Variants in IMPA1 observed in about 807,000 individuals in gnomAD.
IMPA1 encodes the protein D-galactose 1-phosphate phosphatase.
Under a neutral mutation model 34.9 loss-of-function variants are expected in IMPA1, and 21 were observed. The ratio of observed to expected loss-of-function variants is 0.60; its 90% CI spans 0.43 to 0.87. The LOEUF is 0.87. Ranked by LOEUF, IMPA1 falls within the 40% of genes least tolerant of loss-of-function variation. IMPA1 has a pLI of 0.00. For missense variants in IMPA1, 299 were observed against 336.4 expected (o/e 0.89, Z 0.87); for synonymous variants, 95 against 104.4 (o/e 0.91, Z 0.55).
chr8:81,678,551 G>C, intron 4 of IMPA1: 1 of 166,118 alleles, frequency 6.0e-6, no homozygotes, highest in South Asian at 1.2e-4. Context: ...AATTAGTCGG[G>C]TGTGGTGGCA....
intron 7 of IMPA1, among the ~76,000 whole-genome samples, chr8:81,666,625 G>C (rs204792): frequency 6.6e-6 from 1 of 152,162 alleles, no homozygotes; most frequent in African/African-American, 2.4e-5. Flanking sequence ...TGTAATCCCA[G>C]AACTTTGGGA....
intron 7 of IMPA1, among the ~76,000 whole-genome samples, chr8:81,668,821 C>T (rs1395938822): frequency 6.6e-6 from 1 of 152,036 alleles, no homozygotes; most frequent in African/African-American, 2.4e-5. Context: ...TTCAAGGCTG[C>T]CCCTCCCTTT....
chr8:81,661,055 G>A (rs1206979515), intron 7 of IMPA1, among the ~76,000 whole-genome samples: 2 of 152,108 alleles, frequency 1.3e-5, no homozygotes, highest in Non-Finnish European at 2.9e-5. Context: ...TCTAGGAGGT[G>A]TAAAATATCA....
At chr8:81,668,168 T>C (rs577499441) in intron 7 of IMPA1, among the ~76,000 whole-genome samples, 42 of 152,210 alleles carry the variant, frequency 2.8e-4, no homozygotes, top group African/African-American at 8.4e-4. Flanking sequence ...AGTAATGAAT[T>C]AGGGTATCTG....
At chr8:81,682,506 A>G (rs1024903142) in intron 1 of IMPA1, among the ~76,000 whole-genome samples, 20 of 152,140 alleles carry the variant, frequency 1.3e-4, no homozygotes, top group African/African-American at 4.6e-4. Context: ...AAAGACCCAC[A>G]CGCTAAATTT....
chr8:81,674,542 G>T (rs2268432), intron 5 of IMPA1: 33,960 of 252,688 alleles, frequency 0.13, 3,632 homozygotes, highest in East Asian at 0.58. Flanking sequence ...TGAAGAATTG[G>T]AGTCTACTGG....
At chr8:81,668,593 C>CA (rs1466854162) in intron 7 of IMPA1, among the ~76,000 whole-genome samples, 3 of 151,844 alleles carry the variant, frequency 2.0e-5, no homozygotes, top group South Asian at 2.1e-4. Flanking sequence ...AACCCATCTC[C>CA]AAAAAACAAA....
chr8:81,668,007 T>G (rs1302296028), intron 7 of IMPA1, among the ~76,000 whole-genome samples: 1 of 151,960 alleles, frequency 6.6e-6, no homozygotes, highest in East Asian at 1.9e-4. Context: ...GTATTTTTAG[T>G]AGAGACAGGG....
intron 6 of IMPA1, among the ~76,000 whole-genome samples, chr8:81,672,099 T>C (rs1171036119): frequency 6.6e-6 from 1 of 152,156 alleles, no homozygotes; most frequent in Non-Finnish European, 1.5e-5. Flanking sequence ...GGAAATAGCC[T>C]AAAAATCTGC....
chr8:81,661,272 T>C (rs1806665507), intron 7 of IMPA1, among the ~76,000 whole-genome samples: 1 of 152,248 alleles, frequency 6.6e-6, no homozygotes, highest in African/African-American at 2.4e-5. Context: ...AAAGAATCAA[T>C]GTTAAAATTA....
At chr8:81,667,151 C>A (rs1244793596) in intron 7 of IMPA1, among the ~76,000 whole-genome samples, 1 of 151,972 alleles carries the variant, frequency 6.6e-6, no homozygotes, top group Non-Finnish European at 1.5e-5. Context: ...TTAGGTAAAT[C>A]TTTTGGCTAT....
chr8:81,680,752 T>G lies in IMPA1; in HGVS notation c.95A>C (p.Asn32Thr), dbSNP rs574730302. Residue 32 changes from asparagine to threonine, a missense_variant, in exon 3 of 9, where the codon AAT becomes ACT. By Grantham distance (65) the Asn-to-Thr change is moderately conservative (BLOSUM62 0). Coordinates refer to ENST00000256108, the MANE Select transcript of IMPA1 (RefSeq NM_005536.4). Reference sequence around the variant, plus strand: ...AACTGGAGAACTTTTCAGCATAACATTCATTTCATTTTTTATAGCTTCACA... The same window carrying G: ...AACTGGAGAACTTTTCAGCATAACAGTCATTTCATTTTTTATAGCTTCACA... ...VVCEAIKNEM[N>T]VMLKSSPVDL... 2.5e-6 allele frequency: 4 copies of G among 1,608,712 alleles called. No individual in the cohort carries two copies. Among genetic ancestry groups the G allele is most frequent in the Non-Finnish European group, 3.4e-6 (4 of 1,175,626 alleles).
At chr8:81,679,581 C>A (rs1387567093) in intron 3 of IMPA1, among the ~76,000 whole-genome samples, 1 of 150,758 alleles carries the variant, frequency 6.6e-6, no homozygotes, top group African/African-American at 2.4e-5. Context: ...CCACTGCACT[C>A]CAGCCTGGGT....
At chr8:81,680,371 T>C (rs1186082022) in intron 3 of IMPA1, among the ~76,000 whole-genome samples, 2 of 152,188 alleles carry the variant, frequency 1.3e-5, no homozygotes, top group Admixed American at 6.5e-5. Flanking sequence ...TCAGCTTCCA[T>C]GTCGTGAGCT....
intron 6 of IMPA1, 43 bp downstream of exon 6, chr8:81,673,798 A>G: frequency 9.6e-7 from 1 of 1,046,234 alleles, no homozygotes; most frequent in Non-Finnish European, 1.5e-6. Flanking sequence ...TAAAATATTG[A>G]GCACACAATA....
At chr8:81,684,845 G>GTA (rs1807446478) in intron 1 of IMPA1, among the ~76,000 whole-genome samples, 1 of 136,006 alleles carries the variant, frequency 7.4e-6, no homozygotes, top group Admixed American at 7.6e-5. Context: ...TCTATGTGTA[G>GTA]TATATATACT....
intron 1 of IMPA1, among the ~76,000 whole-genome samples, chr8:81,684,560 A>ACACATACTAAAGATAC (rs1563592504): frequency 1.9e-5 from 1 of 51,696 alleles, no homozygotes; most frequent in East Asian, 5.9e-4. Flanking sequence ...TTTAGATACT[A>ACACATACTAAAGATAC]ATGTGTAGTA....
At chr8:81,666,344 T>C (rs1165687996) in intron 7 of IMPA1, among the ~76,000 whole-genome samples, 1 of 152,186 alleles carries the variant, frequency 6.6e-6, no homozygotes, top group Non-Finnish European at 1.5e-5. Context: ...GCAGTAACTA[T>C]AACATCATAC....
intron 6 of IMPA1, among the ~76,000 whole-genome samples, chr8:81,671,352 G>C (rs1001023997): frequency 6.6e-6 from 1 of 152,050 alleles, no homozygotes; most frequent in Middle Eastern, 3.2e-3. Flanking sequence ...TTCAATAAGG[G>C]ATTTATGTAT....
Sources: allele counts gnomAD v4.1 joint callset (sites outside exome capture counted in the v4.1 genomes callset), GRCh38; gene constraint gnomAD v4.1.1; transcripts MANE v1.5; gene names NCBI Gene and HGNC (gene_info 2026-07-23, HGNC 2026-07-21).